The following B4GALNT3 variants were observed in gnomAD, a reference collection of about 807,000 sequenced individuals.
B4GALNT3 encodes beta-1,4-N-acetyl-galactosaminyltransferase 3.
B4GALNT3 carries 86 observed loss-of-function variants against 120.2 expected under a neutral mutation model. The observed-to-expected ratio is 0.72, with a 90% CI of 0.60 to 0.86. The LOEUF (loss-of-function observed/expected upper bound fraction) is 0.86, where lower values mean the gene tolerates loss of function less well. Ranked by LOEUF, B4GALNT3 falls within the 40% of genes least tolerant of loss-of-function variation. The pLI, the probability that B4GALNT3 is intolerant of heterozygous loss-of-function variation, is 0.00. For missense variants in B4GALNT3, 1,167 were observed against 1,298.9 expected (o/e 0.90, Z 1.56); for synonymous variants, 518 against 510.4 (o/e 1.01, Z -0.20).
intron 1 of B4GALNT3, among the ~76,000 whole-genome samples, chr12:525,449 C>T (rs1946751932): frequency 6.6e-6 from 1 of 152,214 alleles, no homozygotes; most frequent in African/African-American, 2.4e-5. Context: ...TGTCTCTCCT[C>T]CTGTCTCCGT....
Position 535,175 on chromosome 12 carries a change from G to A in B4GALNT3, c.179G>A (p.Ser60Asn). 6.2e-7 allele frequency: 1 copy of A among 1,612,918 alleles called. No individual in the cohort carries two copies. Among genetic ancestry groups the A allele is most frequent in the Non-Finnish European group, 8.5e-7 (1 of 1,179,352 alleles). ...GGNPLNRRYG[S>N]WRELAKALAS... ...TCTTCCCCTTCCACAGGGTACGGCA[G>A]CTGGAGAGAACTGGCCAAGGCTCTG... The change falls in exon 2 of 20, where the codon AGC becomes AAC. Residue 60 changes from serine to asparagine, a missense_variant. By Grantham distance (46) the Ser-to-Asn change is conservative. Around this residue, in one of 3 missense-constraint regions of B4GALNT3, gnomAD observed 171 missense variants for 161.3 expected, o/e 1.06. Coordinates refer to ENST00000266383, the MANE Select transcript of B4GALNT3 (RefSeq NM_173593.4).
chr12:542,394 G>T (rs1320284054), intron 3 of B4GALNT3, among the ~76,000 whole-genome samples: 1 of 152,182 alleles, frequency 6.6e-6, no homozygotes, highest in Non-Finnish European at 1.5e-5. Flanking sequence ...CAGATCTCTT[G>T]TAGAACTTGT....
intron 1 of B4GALNT3, among the ~76,000 whole-genome samples, chr12:503,080 C>G (rs1172660109): frequency 3.3e-5 from 5 of 152,080 alleles, no homozygotes; most frequent in African/African-American, 7.2e-5. Context: ...TGAGTAGGAA[C>G]TAGCAGCTAG....
At chr12:509,521 C>A (rs1485932355) in intron 1 of B4GALNT3, among the ~76,000 whole-genome samples, 2 of 152,210 alleles carry the variant, frequency 1.3e-5, no homozygotes, top group African/African-American at 4.8e-5. Flanking sequence ...TTACTCTCCC[C>A]AGTGCAGATT....
intron 1 of B4GALNT3, among the ~76,000 whole-genome samples, chr12:497,541 C>T (rs1231539046): frequency 1.3e-5 from 2 of 152,222 alleles, no homozygotes; most frequent in Non-Finnish European, 2.9e-5. Context: ...GTTGCTTTCA[C>T]CTTTGGCAAT....
chr12:523,988 GA>G (rs1946737527), intron 1 of B4GALNT3, among the ~76,000 whole-genome samples: 1 of 152,188 alleles, frequency 6.6e-6, no homozygotes, highest in African/African-American at 2.4e-5. Flanking sequence ...TTGAATCCAG[GA>G]GGGGGAGGTT....
rs553707877 is a variant in B4GALNT3 at position 474,552 on chromosome 12, G to A, written c.169+14007G>A. ...TCTGATGAAGAGGCCAGGCACGGTG[G>A]CTCATGCCTGCAATCCAGCACTTTG... On this transcript the variant is annotated intron_variant, in intron 1 of 19. Transcript: ENST00000266383. 2.0e-5 allele frequency among the ~76,000 whole-genome samples: 3 copies of A among 152,264 alleles called. No individual in the cohort carries two copies. In the South Asian group the frequency reaches 6.2e-4, roughly 32 times the overall value.
intron 1 of B4GALNT3, among the ~76,000 whole-genome samples, chr12:504,449 G>A (rs1270155663): frequency 2.2e-5 from 3 of 133,462 alleles, no homozygotes; most frequent in Non-Finnish European, 3.2e-5. Context: ...CCCCGCAGCC[G>A]CCCCCCCGCC....
chr12:511,615 CTT>C (rs1946563140), intron 1 of B4GALNT3, among the ~76,000 whole-genome samples: 1 of 122,056 alleles, frequency 8.2e-6, no homozygotes, highest in African/African-American at 2.8e-5. Flanking sequence ...CTTCGACCTT[CTT>C]CCACCTTCGA....
chr12:490,497 G>A (rs535509001), intron 1 of B4GALNT3, among the ~76,000 whole-genome samples: 1 of 152,166 alleles, frequency 6.6e-6, no homozygotes, highest in African/African-American at 2.4e-5. Flanking sequence ...AGCACTTTGG[G>A]AGGCAGAAGT....
intron 14 of B4GALNT3, among the ~76,000 whole-genome samples, chr12:554,232 C>T (rs148164496): frequency 1.3e-5 from 2 of 152,310 alleles, no homozygotes; most frequent in African/African-American, 2.4e-5. Context: ...TGGCCCAGTA[C>T]GTGTGTTGAG....
At chr12:537,692 T>C (rs1444644905) in intron 3 of B4GALNT3, among the ~76,000 whole-genome samples, 1 of 152,216 alleles carries the variant, frequency 6.6e-6, no homozygotes. Context: ...AAATTTTAAA[T>C]TTGAGTTTCC....
chr12:482,706 G>A (rs1408100101), intron 1 of B4GALNT3, among the ~76,000 whole-genome samples: 3 of 152,102 alleles, frequency 2.0e-5, no homozygotes, highest in Admixed American at 6.5e-5. Flanking sequence ...TGTTTCTTAA[G>A]CATATGCAGC....
At chr12:493,096 C>T (rs1323182472) in intron 1 of B4GALNT3, among the ~76,000 whole-genome samples, 4 of 152,128 alleles carry the variant, frequency 2.6e-5, no homozygotes, top group Non-Finnish European at 5.9e-5. Context: ...ATAAGCTAGA[C>T]TTCCTTAAAT....
rs1241839253 is a variant in B4GALNT3, at chr12:563,425, C to T, written c.*1974C>T. ...GAAGGGCCGGGCAAGGCCCCTACTC[C>T]CTAGAGAAATGTCTTGGGTAGGAGA... On this transcript the variant is annotated 3_prime_UTR_variant, in exon 20 of 20. Coordinates refer to ENST00000266383, the MANE Select transcript of B4GALNT3 (RefSeq NM_173593.4). 1 of 152,280 alleles carries T rather than the reference C, an allele frequency of 6.6e-6. No homozygotes were observed. Among genetic ancestry groups the T allele is most frequent in the African/African-American group, 2.4e-5 (1 of 41,452 alleles). The allele number at this position is 152,280 out of a possible 1,614,324, so 9.4% of individuals were successfully genotyped here.
At chr12:557,567 C>G (rs1415592158) in intron 15 of B4GALNT3, 41 bp from the exon 16 acceptor site, 2 of 1,585,668 alleles carry the variant, frequency 1.3e-6, no homozygotes, top group Non-Finnish European at 1.7e-6. Flanking sequence ...TCATCTTTGC[C>G]TTGTCTGTGT....
At chr12:554,582 A>T (rs12306632) in intron 14 of B4GALNT3, among the ~76,000 whole-genome samples, 1 of 149,736 alleles carries the variant, frequency 6.7e-6, no homozygotes, top group Non-Finnish European at 1.5e-5. Context: ...CGAGGTCAGG[A>T]GATCGAGACC....
At chr12:530,138 A>G (rs1348596681) in intron 1 of B4GALNT3, among the ~76,000 whole-genome samples, 2 of 152,204 alleles carry the variant, frequency 1.3e-5, no homozygotes, top group South Asian at 2.1e-4. Flanking sequence ...AGCAAAAGCA[A>G]TACATCCTGC....
chr12:557,330 C>T (rs1234378417), intron 15 of B4GALNT3, among the ~76,000 whole-genome samples: 1 of 152,158 alleles, frequency 6.6e-6, no homozygotes, highest in Non-Finnish European at 1.5e-5. Context: ...CGTGGCAGGG[C>T]TACTGACAAT....
Sources: gnomAD v4.1 joint callset for allele counts (sites outside exome capture counted in the v4.1 genomes callset) on GRCh38, gnomAD v4.1.1 for gene constraint, gnomAD v4.1.1 regional missense constraint, MANE v1.5 for transcripts, NCBI Gene and HGNC (gene_info 2026-07-23, HGNC 2026-07-21) for gene names.